The following CCSER1 variants were observed in gnomAD, a reference collection of about 807,000 sequenced individuals.
The protein encoded by CCSER1 is coiled-coil serine rich protein 1.
Under a neutral mutation model 82.0 loss-of-function variants are expected in CCSER1, and 41 were observed. The ratio of observed to expected loss-of-function variants is 0.50; its 90% CI spans 0.39 to 0.65. The LOEUF (loss-of-function observed/expected upper bound fraction) is 0.65. CCSER1 is among the 30% of genes least tolerant of loss of function. CCSER1 has a pLI of 0.00. For missense variants in CCSER1, 1,119 were observed against 1,064.2 expected, an observed-to-expected ratio of 1.05 and a Z score of -0.72; for synonymous variants, 414 against 383.9, an observed-to-expected ratio of 1.08 and a Z score of -0.92.
At chr4:90,217,034 T>A (rs903393523) in intron 1 of CCSER1, among the ~76,000 whole-genome samples, 6 of 152,184 alleles carry the variant, frequency 3.9e-5, no homozygotes, top group Non-Finnish European at 8.8e-5. Context: ...TATTTAATTT[T>A]TTTGTGTGTT....
At chr4:90,137,115 T>G (rs527893416) in intron 1 of CCSER1, among the ~76,000 whole-genome samples, 3 of 152,270 alleles carry the variant, frequency 2.0e-5, no homozygotes, top group African/African-American at 7.2e-5. Context: ...CTAGGAATAT[T>G]AAAAGTACTC....
intron 1 of CCSER1, among the ~76,000 whole-genome samples, chr4:90,222,248 TAA>T (rs1742288204): frequency 6.6e-6 from 1 of 152,148 alleles, no homozygotes; most frequent in South Asian, 2.1e-4. Context: ...ATTAGCATTT[TAA>T]AAAAGAGACC....
At chr4:90,271,484 T>G (rs138647417) in intron 1 of CCSER1, among the ~76,000 whole-genome samples, 29 of 151,990 alleles carry the variant, frequency 1.9e-4, no homozygotes, top group African/African-American at 6.8e-4. Context: ...TATACAAAAA[T>G]CAAATAAAAG....
intron 1 of CCSER1, among the ~76,000 whole-genome samples, chr4:90,154,448 G>A (rs1164254144): frequency 6.6e-6 from 1 of 152,086 alleles, no homozygotes; most frequent in African/African-American, 2.4e-5. Flanking sequence ...GGATGGCATT[G>A]AATCTATAAA....
At chr4:90,441,971 T>G (rs115043737) in intron 4 of CCSER1, among the ~76,000 whole-genome samples, 3 of 152,216 alleles carry the variant, frequency 2.0e-5, no homozygotes, top group Non-Finnish European at 4.4e-5. Context: ...TTGTTAGTCC[T>G]GTGGGATGGC....
intron 10 of CCSER1, among the ~76,000 whole-genome samples, chr4:91,383,742 A>C (rs1261716351): frequency 6.6e-6 from 1 of 152,130 alleles, no homozygotes; most frequent in Admixed American, 6.5e-5. Context: ...TGAGGGTGGG[A>C]GGGACAAGAT....
intron 10 of CCSER1, among the ~76,000 whole-genome samples, chr4:91,301,539 A>AGT (rs1181288451): frequency 1.4e-5 from 2 of 145,510 alleles, no homozygotes; most frequent in East Asian, 2.0e-4. Context: ...TATAAAATAT[A>AGT]GTATATATAT....
chr4:91,136,284 T>G (rs1728464088), intron 10 of CCSER1, among the ~76,000 whole-genome samples: 2 of 152,202 alleles, frequency 1.3e-5, no homozygotes. Flanking sequence ...TACAATGTCC[T>G]CTCCTTCCTC....
At chr4:91,296,235 A>G (rs1338735986) in intron 10 of CCSER1, among the ~76,000 whole-genome samples, 1 of 151,614 alleles carries the variant, frequency 6.6e-6, no homozygotes, top group East Asian at 1.9e-4. Flanking sequence ...AGCCAAAAAA[A>G]GAGAAAGCTC....
intron 6 of CCSER1, among the ~76,000 whole-genome samples, chr4:90,661,556 C>A (rs1037871670): frequency 1.3e-5 from 2 of 151,998 alleles, no homozygotes; most frequent in African/African-American, 4.8e-5. Flanking sequence ...CAATATGCAG[C>A]GAAATGTTTA....
intron 7 of CCSER1, among the ~76,000 whole-genome samples, chr4:90,808,396 C>T (rs934301317): frequency 1.7e-4 from 26 of 151,928 alleles, no homozygotes; most frequent in Non-Finnish European, 3.5e-4. Context: ...TAAATGAGAC[C>T]TAATTAAACT....
chr4:90,465,380 G>A (rs1763494030), intron 4 of CCSER1, among the ~76,000 whole-genome samples: 1 of 149,792 alleles, frequency 6.7e-6, no homozygotes, highest in Non-Finnish European at 1.5e-5. Flanking sequence ...CAGTGCAGTG[G>A]CCTGATCTCG....
intron 5 of CCSER1, among the ~76,000 whole-genome samples, chr4:90,494,826 A>C (rs1768721474): frequency 6.6e-6 from 1 of 151,944 alleles, no homozygotes; most frequent in Non-Finnish European, 1.5e-5. Flanking sequence ...ACAACAGTTC[A>C]CGCCATAGAC....
intron 1 of CCSER1, among the ~76,000 whole-genome samples, chr4:90,215,613 CTATT>C (rs1306344038): frequency 1.3e-5 from 2 of 152,152 alleles, no homozygotes; most frequent in African/African-American, 4.8e-5. Flanking sequence ...CCTCTGTGCT[CTATT>C]TGACAGATAA....
intron 3 of CCSER1, among the ~76,000 whole-genome samples, chr4:90,387,558 A>G (rs2153535848): frequency 6.6e-6 from 1 of 152,312 alleles, no homozygotes; most frequent in Admixed American, 6.5e-5. Flanking sequence ...AAGATCAATC[A>G]TGTGATTTAG....
At chr4:91,402,029 G>T (rs1399492874) in intron 10 of CCSER1, among the ~76,000 whole-genome samples, 1 of 152,144 alleles carries the variant, frequency 6.6e-6, no homozygotes, top group Non-Finnish European at 1.5e-5. Flanking sequence ...GTGTAAAAGT[G>T]TTCCTATTTC....
intron 7 of CCSER1, among the ~76,000 whole-genome samples, chr4:90,795,603 C>T (rs1755896196): frequency 6.6e-6 from 1 of 152,136 alleles, no homozygotes; most frequent in Non-Finnish European, 1.5e-5. Context: ...CCAGCTTTTG[C>T]CCATTCAGTG....
At chr4:91,276,852 T>C (rs1439506125) in intron 10 of CCSER1, among the ~76,000 whole-genome samples, 6 of 152,118 alleles carry the variant, frequency 3.9e-5, no homozygotes, top group African/African-American at 1.4e-4. Flanking sequence ...TTTTTTGAGT[T>C]TTTATCATAA....
In CCSER1 at chr4:90,557,107, A is replaced by C. The variant is rs547223053; in HGVS notation, c.1725-70918A>C. On this transcript the variant is annotated intron_variant, in intron 5 of 10. Coordinates refer to ENST00000509176, the MANE Select transcript of CCSER1 (RefSeq NM_001145065.2). Reference sequence around the variant, plus strand: ...GTATCCCTTCCCACCCCCTTGAAATAATCTAGATTTATAACTTCCAGTGTT... The same window carrying C: ...GTATCCCTTCCCACCCCCTTGAAATCATCTAGATTTATAACTTCCAGTGTT... 1.4e-4 allele frequency among the ~76,000 whole-genome samples: 21 copies of C among 152,044 alleles called. No individual in the cohort carries two copies. In the South Asian group the frequency reaches 4.4e-3, roughly 32 times the overall value.
Sources: gnomAD v4.1 joint callset for allele counts (sites outside exome capture counted in the v4.1 genomes callset) on GRCh38, gnomAD v4.1.1 for gene constraint, MANE v1.5 for transcripts, NCBI Gene and HGNC (gene_info 2026-07-23, HGNC 2026-07-21) for gene names.